Variants in XDH observed in about 807,000 individuals in gnomAD.
The protein encoded by XDH is xanthine dehydrogenase.
Under a neutral mutation model 156.1 loss-of-function variants are expected in XDH, and 138 were observed. The ratio of observed to expected loss-of-function variants is 0.88; its 90% CI spans 0.77 to 1.02. The LOEUF (loss-of-function observed/expected upper bound fraction) is 1.02. XDH is among the 50% of genes least tolerant of loss of function. The pLI is 0.00. For synonymous variants in XDH, 669 were observed against 625.7 expected, an observed-to-expected ratio of 1.07 and a Z score of -1.03; for missense variants, 1,849 against 1,684.9, an observed-to-expected ratio of 1.10 and a Z score of -1.71.
chr2:31,382,928 G>GA lies in XDH; in HGVS notation c.1038+72dup, dbSNP rs1177405937. ...TTGAGGCCCACTGCACTGACACAGT[G>GA]AGAGTCTGGCTGCCCTGCTTTCAGA... On this transcript the variant is annotated intron_variant, in intron 11 of 35. Transcript: ENST00000379416. 1.9e-6 allele frequency: 3 copies of GA among 1,606,836 alleles called. No individual in the cohort carries two copies. The African/African-American group carries it at 4.0e-5, about 21-fold the overall frequency.
rs202056743 is a variant in XDH, at chr2:31,375,581, C to T, written c.1428-27G>A. On this transcript the variant is annotated intron_variant, in intron 14 of 35. Coordinates refer to ENST00000379416, the MANE Select transcript of XDH (RefSeq NM_000379.4). The stretch of plus-strand genomic sequence containing the variant: ...TGCCAGAGAGCAGGGCGTGGGACAG[C>T]GCTCCCGCCCAGCCCTCCAGACCCC... 2,132 of 1,609,310 alleles carry T rather than the reference C, an allele frequency of 1.3e-3. 7 individuals are homozygous for T. The highest frequency in any genetic ancestry group is 2.3e-3 in the Admixed American group (137 of 59,716).
At chr2:31,409,465 C>T (rs1395252223) in intron 1 of XDH, among the ~76,000 whole-genome samples, 2 of 152,118 alleles carry the variant, frequency 1.3e-5, no homozygotes, top group Non-Finnish European at 2.9e-5. Context: ...TCCATCTCCC[C>T]TTCTTCTCTT....
chr2:31,382,183 G>C (rs1015531715), intron 11 of XDH, among the ~76,000 whole-genome samples: 1 of 152,132 alleles, frequency 6.6e-6, no homozygotes, highest in African/African-American at 2.4e-5. Context: ...CAGGGTTCTC[G>C]TTATTAGAAA....
chr2:31,372,338 T>C lies in XDH; in HGVS notation c.1746A>G (p.Ala582=), dbSNP rs1211307448. 1 of 1,614,192 alleles carries C rather than the reference T, an allele frequency of 6.2e-7. No individual in the cohort carries two copies. The highest frequency in any genetic ancestry group is 8.5e-7 in the Non-Finnish European group (1 of 1,180,038). ...CCTCACCAGAGGCCTGCATGTCCGC[T>C]GCCAGGTGGGGCAGGGGCCGGCCCA... The part of the protein sequence containing the change: ...DMVGRPLPHL[A]ADMQASGEAV... Residue 582 remains alanine (A), a synonymous_variant, in exon 17 of 36, where the codon GCA becomes GCG. Coordinates refer to ENST00000379416, the MANE Select transcript of XDH (RefSeq NM_000379.4).
At chr2:31,399,782 G>A (rs1262008377) in intron 4 of XDH, among the ~76,000 whole-genome samples, 1 of 152,176 alleles carries the variant, frequency 6.6e-6, no homozygotes, top group African/African-American at 2.4e-5. Context: ...CACCATGTAA[G>A]ATGTGCTTTT....
Position 31,368,065 on chromosome 2 carries a change from T to C in XDH, c.2101-8A>G. On this transcript the variant is annotated splice_polypyrimidine_tract_variant and splice_region_variant and intron_variant, in intron 19 of 35. Coordinates refer to ENST00000379416, the MANE Select transcript of XDH (RefSeq NM_000379.4). ...GTTGTTCTTTATAGCATCCTGAGGA[T>C]CACAAAGAAGTTTCAGAAATGTGGC... 1 of 1,613,758 alleles carries C rather than the reference T, an allele frequency of 6.2e-7. No homozygotes were observed. The highest frequency in any genetic ancestry group is 8.5e-7 in the Non-Finnish European group (1 of 1,179,680).
chr2:31,390,715 G>A (rs1334169868), intron 6 of XDH, among the ~76,000 whole-genome samples: 1 of 152,146 alleles, frequency 6.6e-6, no homozygotes, highest in African/African-American at 2.4e-5. Flanking sequence ...ATAGACCTGT[G>A]GTGGTATTTC....
chr2:31,369,510 T>C (rs967556374), intron 18 of XDH, among the ~76,000 whole-genome samples: 1 of 152,168 alleles, frequency 6.6e-6, no homozygotes, highest in African/African-American at 2.4e-5. Context: ...CAACAATTAG[T>C]ATGCATGTCT....
intron 8 of XDH, among the ~76,000 whole-genome samples, chr2:31,387,425 G>T (rs113923480): frequency 0.021 from 3,163 of 152,218 alleles, 40 homozygotes; most frequent in Non-Finnish European, 0.033. Context: ...TAAATAAATG[G>T]ATTGCTTATA....
At chr2:31,396,125 T>C (rs1306531637) in intron 6 of XDH, among the ~76,000 whole-genome samples, 3 of 152,206 alleles carry the variant, frequency 2.0e-5, no homozygotes, top group African/African-American at 4.8e-5. Context: ...GTAACATGCA[T>C]TAGCTTCTGA....
At chr2:31,378,853 T>A (rs867856355) in intron 13 of XDH, among the ~76,000 whole-genome samples, 43 of 148,564 alleles carry the variant, frequency 2.9e-4, no homozygotes, top group African/African-American at 8.4e-4. Context: ...CACTCATAAT[T>A]AAAAAAAAAA....
intron 5 of XDH, 93 bp from the exon 6 acceptor site, chr2:31,397,822 C>T (rs1386663608): frequency 1.4e-6 from 2 of 1,400,236 alleles, no homozygotes; most frequent in Non-Finnish European, 1.0e-6. Flanking sequence ...TGGGTGCTCT[C>T]TTTACCAGGC....
chr2:31,374,673 C>T (rs1686177639), intron 15 of XDH, among the ~76,000 whole-genome samples: 1 of 152,212 alleles, frequency 6.6e-6, no homozygotes, highest in African/African-American at 2.4e-5. Flanking sequence ...TTTATCTCTG[C>T]TGTCCCTGCA....
In XDH at chr2:31,405,919, G is replaced by A; in HGVS notation, c.88C>T (p.Leu30=). 6.2e-7 allele frequency: 1 copy of A among 1,614,058 alleles called. No homozygotes were observed. The highest frequency in any genetic ancestry group is 8.5e-7 in the Non-Finnish European group (1 of 1,180,022). ...ADPETTLLAY[L]RRKLGLSGTK... ...AAAGTCAGGATACACTTTCTTCTCAGGTAGGCCAAAAGGGTTGTCTCTGGA... is the reference window on the plus strand; with the variant it reads ...AAAGTCAGGATACACTTTCTTCTCAAGTAGGCCAAAAGGGTTGTCTCTGGA... The change falls in exon 2 of 36, where the codon CTG becomes TTG. Residue 30 remains leucine, a synonymous_variant. Transcript: ENST00000379416.
chr2:31,389,647 G>A (rs1193956267), intron 6 of XDH: 2 of 152,116 alleles, frequency 1.3e-5, no homozygotes, highest in Non-Finnish European at 2.9e-5. Context: ...TCCAGACAAA[G>A]TGCCAGTGCA....
At position 31,387,821 on chromosome 2, in the gene XDH, G is replaced by T; in HGVS notation, c.641C>A (p.Pro214Gln). ...TGAGGCATCACCTACCAGCAACTCT[G>T]GGGGAAAAATGGGCTCCTGGGTTGG... Reference protein sequence around the residue: ...LDPTQEPIFPPELLRLKDTPR... With the variant: ...LDPTQEPIFPQELLRLKDTPR... Residue 214 changes from proline (P) to glutamine (Q), a missense_variant, in exon 8 of 36, where the codon CCA (proline) becomes CAA (glutamine). Coordinates refer to ENST00000379416, the MANE Select transcript of XDH (RefSeq NM_000379.4). 6.3e-7 allele frequency: 1 copy of T among 1,582,302 alleles called. No individual in the cohort carries two copies.
intron 9 of XDH, among the ~76,000 whole-genome samples, chr2:31,384,751 T>C (rs1686538129): frequency 6.6e-6 from 1 of 152,194 alleles, no homozygotes; most frequent in East Asian, 1.9e-4. Flanking sequence ...TTCCAGAATC[T>C]TCAAAGCTCC....
In XDH at chr2:31,350,084, G is replaced by T; in HGVS notation, c.2771C>A (p.Ala924Asp). 1 of 1,614,234 alleles carries T rather than the reference G, an allele frequency of 6.2e-7. No individual in the cohort carries two copies. Among genetic ancestry groups the T allele is most frequent in the African/African-American group, 1.3e-5 (1 of 75,068 alleles). ...GFGGPQGMLIAECWMSEVAVT... is the reference protein window; with the variant it reads ...GFGGPQGMLIDECWMSEVAVT... ...TGCAACTTCACTCATCCAGCACTCG[G>T]CAATGAGCATCCCCTGGGGCCCCCC... Residue 924 changes from alanine to aspartate, a missense_variant, in exon 25 of 36, where the codon GCC (alanine) becomes GAC (aspartate). By Grantham distance (126) the Ala-to-Asp change is moderately radical. Transcript: ENST00000379416.
intron 2 of XDH, among the ~76,000 whole-genome samples, chr2:31,403,566 T>C (rs915747440): frequency 6.6e-6 from 1 of 152,156 alleles, no homozygotes; most frequent in African/African-American, 2.4e-5. Flanking sequence ...GAATGAGACA[T>C]TGATCTGTTC....
Sources: allele counts gnomAD v4.1 joint callset (sites outside exome capture counted in the v4.1 genomes callset), GRCh38; gene constraint gnomAD v4.1.1; transcripts MANE v1.5; gene names NCBI Gene and HGNC (gene_info 2026-07-23, HGNC 2026-07-21).